PIAS2: variants seen among roughly 807,000 people sequenced by gnomAD.
PIAS2 encodes the protein E3 SUMO-protein ligase PIAS2.
A neutral mutation model predicts 69.7 loss-of-function variants in PIAS2; 19 were observed. That is an observed-to-expected ratio of 0.27 (90% CI 0.19 to 0.40). PIAS2 has a LOEUF of 0.40. PIAS2 is among the 10% of genes least tolerant of loss of function. PIAS2 has a pLI of 1.00. For missense variants in PIAS2, 624 were observed against 757.0 expected (o/e 0.82, Z 2.06); for synonymous variants, 261 against 263.2 (o/e 0.99, Z 0.08).
At chr18:46,918,983 A>ATG (rs1006551301), upstream of PIAS2, among the ~76,000 whole-genome samples, 1 of 145,666 alleles carries the variant, frequency 6.9e-6, no homozygotes, top group Admixed American at 6.9e-5. Context: ...TTTGATATAT[A>ATG]TGTGTGTGCG....
At chr18:46,894,105 G>C (rs758508360) in intron 1 of PIAS2, among the ~76,000 whole-genome samples, 1 of 152,062 alleles carries the variant, frequency 6.6e-6, no homozygotes, top group African/African-American at 2.4e-5. Flanking sequence ...CAACCTGGGC[G>C]ACAGAGTGAG....
At chr18:46,837,966 G>A (rs568941882) in intron 8 of PIAS2, among the ~76,000 whole-genome samples, 1 of 152,278 alleles carries the variant, frequency 6.6e-6, no homozygotes, top group African/African-American at 2.4e-5. Context: ...GAGAATGAAT[G>A]GACATGGACT....
intron 5 of PIAS2, 73 bp from the exon 6 acceptor site, chr18:46,846,914 C>T (rs644731): frequency 0.45 from 601,026 of 1,323,786 alleles, 137,476 homozygotes; most frequent in Middle Eastern, 0.53. Context: ...AAGATAGATA[C>T]AGGATCCTGC....
Position 46,807,277 on chromosome 18 carries a change from T to C in PIAS2, c.*5156A>G, listed in dbSNP as rs1202441260. 6.9e-6 allele frequency: 1 copy of C among 145,454 alleles called. No individual in the cohort carries two copies. 9.0% of individuals were successfully genotyped at this position (145,454 alleles called of 1,614,324 possible). On this transcript the variant is annotated 3_prime_UTR_variant, in exon 14 of 14. Coordinates refer to ENST00000585916, the MANE Select transcript of PIAS2 (RefSeq NM_004671.5). ...AACGTAGTCTGACAAAGAATATTTGTGCAACTTTACAGTGCCAGTAAAATC... is the reference window on the plus strand; with the variant it reads ...AACGTAGTCTGACAAAGAATATTTGCGCAACTTTACAGTGCCAGTAAAATC...
At chr18:46,858,690 C>G (rs1436331196) in intron 3 of PIAS2, among the ~76,000 whole-genome samples, 1 of 151,962 alleles carries the variant, frequency 6.6e-6, no homozygotes, top group Non-Finnish European at 1.5e-5. Context: ...AGAGCAAGAC[C>G]CTGGCTCAAA....
chr18:46,813,612 AT>A (rs2041203627), intron 13 of PIAS2, among the ~76,000 whole-genome samples: 3 of 152,212 alleles, frequency 2.0e-5, no homozygotes, highest in Admixed American at 6.5e-5. Context: ...GCAGCTTATC[AT>A]TAGAGACACT....
intron 3 of PIAS2, 23 bp from the exon 4 acceptor site, chr18:46,855,638 G>T (rs767310503): frequency 1.3e-6 from 2 of 1,590,244 alleles, no homozygotes; most frequent in Middle Eastern, 1.7e-4. Context: ...GAAAGAAAAT[G>T]GGTTAAAAAA....
At chr18:46,907,885 A>G (rs1390653015) in intron 1 of PIAS2, 1 of 152,188 alleles carries the variant, frequency 6.6e-6, no homozygotes, top group Non-Finnish European at 1.5e-5. Flanking sequence ...AACTGTATAT[A>G]TACTACACAG....
At chr18:46,917,631 CCTGCCCCGGCGTGCTGCCCCGCGG>C, upstream of PIAS2, 1 of 863,900 alleles carries the variant, frequency 1.2e-6, no homozygotes, top group South Asian at 5.3e-5. Context: ...CCCGCCCGCG[CCTGCCCCGGCGTGCTGCCCCGCGG>C]CTTGGCCCCG....
chr18:46,830,236 A>G (rs1324236553), intron 9 of PIAS2, among the ~76,000 whole-genome samples: 1 of 152,198 alleles, frequency 6.6e-6, no homozygotes, highest in Non-Finnish European at 1.5e-5. Context: ...AAAATAATTT[A>G]TAAACTTTAA....
rs2040786222 is a variant in PIAS2 at position 46,807,834 on chromosome 18, T to C, written c.*4599A>G. 2 of 152,210 alleles carry C rather than the reference T, an allele frequency of 1.3e-5. No individual in the cohort carries two copies. The highest frequency in any genetic ancestry group is 2.4e-5 in the African/African-American group (1 of 41,452). 9.4% of individuals were successfully genotyped at this position (152,210 alleles called of 1,614,324 possible). On this transcript the variant is annotated 3_prime_UTR_variant, in exon 14 of 14. Transcript: ENST00000585916. ...GCCTGCATAAAGATAAAACGTTGCA[T>C]GTTCTTGGAAAATATGGCTAGACCA... is the stretch of plus-strand genomic sequence containing the variant.
At chr18:46,918,550 G>C (rs1415532676), upstream of PIAS2, among the ~76,000 whole-genome samples, 1 of 152,108 alleles carries the variant, frequency 6.6e-6, no homozygotes, top group Non-Finnish European at 1.5e-5. Flanking sequence ...TGCCTCCCGG[G>C]TTCAAGCGAT....
At chr18:46,916,884 C>T (rs567309045) in intron 1 of PIAS2, 1 of 985,530 alleles carries the variant, frequency 1.0e-6, no homozygotes, top group East Asian at 1.1e-4. Flanking sequence ...AACGCAACTT[C>T]AGCTTTCAGA....
intron 5 of PIAS2, 81 bp from the exon 6 acceptor site, chr18:46,846,922 T>A: frequency 8.5e-7 from 1 of 1,180,400 alleles, no homozygotes; most frequent in Non-Finnish European, 1.1e-6. Flanking sequence ...TACAGGATCC[T>A]GCCCAATTTC....
intron 10 of PIAS2, 67 bp from the exon 11 acceptor site, chr18:46,828,197 G>C: frequency 7.3e-7 from 1 of 1,373,244 alleles, no homozygotes; most frequent in South Asian, 1.4e-5. Context: ...TAGTGGTAGA[G>C]TCTAGTATAT....
chr18:46,867,562 A>G (rs1012574599), intron 2 of PIAS2, among the ~76,000 whole-genome samples: 5 of 152,244 alleles, frequency 3.3e-5, no homozygotes, highest in African/African-American at 9.6e-5. Flanking sequence ...CCAATTCTGC[A>G]GAGATTCCAT....
At chr18:46,901,698 G>GA (rs1441383660) in intron 1 of PIAS2, among the ~76,000 whole-genome samples, 1 of 152,070 alleles carries the variant, frequency 6.6e-6, no homozygotes, top group Non-Finnish European at 1.5e-5. Flanking sequence ...CAATCAATGC[G>GA]AAAAACGCAT....
In PIAS2 at chr18:46,803,684, G is replaced by A. The variant is rs1038579998; in HGVS notation, c.*8749C>T. 2 of 152,170 alleles carry A rather than the reference G, an allele frequency of 1.3e-5. No homozygotes were observed. Among genetic ancestry groups the A allele is most frequent in the Non-Finnish European group, 2.9e-5 (2 of 68,022 alleles). 9.4% of individuals were successfully genotyped at this position (152,170 alleles called of 1,614,324 possible). On this transcript the variant is annotated 3_prime_UTR_variant, in exon 14 of 14. Coordinates refer to ENST00000585916, the MANE Select transcript of PIAS2 (RefSeq NM_004671.5). ...TCAGGTGGCTAGCCATCACAGTGAG[G>A]ATAAATTATGTTTACAATTATATTG...
intron 3 of PIAS2, among the ~76,000 whole-genome samples, chr18:46,860,371 C>T (rs2048473413): frequency 6.6e-6 from 1 of 152,176 alleles, no homozygotes; most frequent in African/African-American, 2.4e-5. Flanking sequence ...TCAAATAGAT[C>T]ACTTTTTTTG....
Sources: gnomAD v4.1 joint callset for allele counts (sites outside exome capture counted in the v4.1 genomes callset) on GRCh38, gnomAD v4.1.1 for gene constraint, MANE v1.5 for transcripts, NCBI Gene and HGNC (gene_info 2026-07-23, HGNC 2026-07-21) for gene names.